The following SORBS2 variants were observed in gnomAD, a reference collection of about 807,000 sequenced individuals.
SORBS2 encodes sorbin and SH3 domain containing 2.
A neutral mutation model predicts 97.7 loss-of-function variants in SORBS2; 46 were observed. The ratio of observed to expected loss-of-function variants is 0.47; its 90% CI spans 0.37 to 0.60. The LOEUF (loss-of-function observed/expected upper bound fraction) is 0.60, where lower values mean the gene tolerates loss of function less well. Ranked by LOEUF, SORBS2 falls within the 20% of genes least tolerant of loss-of-function variation. The probability of loss-of-function intolerance (pLI) is 0.00; values close to 1 mark genes in which losing one functional copy is unlikely to be tolerated. For missense variants in SORBS2, 1,316 were observed against 1,282.3 expected (o/e 1.03, Z -0.40); for synonymous variants, 476 against 473.4 (o/e 1.01, Z -0.07).
chr4:185,824,448 G>T (rs193282862), intron 1 of SORBS2, among the ~76,000 whole-genome samples: 1 of 152,078 alleles, frequency 6.6e-6, no homozygotes, highest in Non-Finnish European at 1.5e-5. Flanking sequence ...AAATAAAGTC[G>T]CATTCACAAG....
intron 2 of SORBS2, among the ~76,000 whole-genome samples, chr4:185,766,329 C>A (rs1240285759): frequency 6.6e-6 from 1 of 152,200 alleles, no homozygotes; most frequent in Non-Finnish European, 1.5e-5. Context: ...TGGGCTTTCT[C>A]ATCTCACCGT....
chr4:185,709,320 T>TTTTTTTTTTTCTTTTTTTC (rs1181008953), intron 2 of SORBS2, among the ~76,000 whole-genome samples: 7 of 140,974 alleles, frequency 5.0e-5, no homozygotes, highest in Non-Finnish European at 6.2e-5. Flanking sequence ...TTTTTTTTTT[T>TTTTTTTTTTTCTTTTTTTC]TTTTAGTAAA....
rs369327368 is a variant in SORBS2 at position 185,677,222 on chromosome 4, G to A, written c.-46+1201C>T. 254 of 1,551,644 alleles carry A rather than the reference G, an allele frequency of 1.6e-4. 1 individual carries two copies. The South Asian group carries it at 2.6e-3, about 16-fold the overall frequency. ...GCCTTTTGAGAAATGACGGTACTTCGACAGATTTGGAGAACTGTGGAGTAC... is the reference window on the plus strand; with the variant it reads ...GCCTTTTGAGAAATGACGGTACTTCAACAGATTTGGAGAACTGTGGAGTAC... On this transcript the variant is annotated intron_variant, in intron 4 of 20. Coordinates refer to the SORBS2 transcript ENST00000284776.
At chr4:185,840,738 A>T (rs559504889) in intron 1 of SORBS2, among the ~76,000 whole-genome samples, 1 of 152,234 alleles carries the variant, frequency 6.6e-6, no homozygotes, top group Non-Finnish European at 1.5e-5. Flanking sequence ...GTATTTATTC[A>T]TTCATTCAAC....
chr4:185,859,411 C>A (rs1199450033), intron 1 of SORBS2, among the ~76,000 whole-genome samples: 1 of 152,184 alleles, frequency 6.6e-6, no homozygotes. Context: ...CCCTCACACC[C>A]TGCGTTTCCC....
intron 1 of SORBS2, among the ~76,000 whole-genome samples, chr4:185,843,491 T>G (rs2099212835): frequency 6.6e-6 from 1 of 152,114 alleles, no homozygotes; most frequent in Non-Finnish European, 1.5e-5. Context: ...ATAAAGGAGC[T>G]TAACAAGATT....
In SORBS2 at chr4:185,623,588, T is replaced by C; in HGVS notation, c.1541A>G (p.Tyr514Cys). 1 of 1,614,130 alleles carries C rather than the reference T, an allele frequency of 6.2e-7. No homozygotes were observed. Among genetic ancestry groups the C allele is most frequent in the Non-Finnish European group, 8.5e-7 (1 of 1,180,008 alleles). ...GAAGGATGACCCCTCTAGGTGAATG[T>C]AGTCACTGTGGTCGGACACAACCCC... The change falls in exon 7 of 15, where the codon TAC becomes TGC. Residue 514 changes from tyrosine (Y) to cysteine (C), a missense_variant. Coordinates refer to ENST00000418609, the Ensembl canonical transcript of SORBS2. The surrounding 1 kb of genome is among the most constrained non-coding windows in gnomAD (Gnocchi z 6.4).
chr4:185,591,049 A>G (rs2095916108), intron 13 of SORBS2, among the ~76,000 whole-genome samples: 1 of 151,982 alleles, frequency 6.6e-6, no homozygotes, highest in Non-Finnish European at 1.5e-5. Context: ...TTACTTTATG[A>G]GTCAGAAAAT....
At chr4:185,603,452 C>T (rs566398705) in intron 12 of SORBS2, among the ~76,000 whole-genome samples, 13 of 152,188 alleles carry the variant, frequency 8.5e-5, no homozygotes, top group Non-Finnish European at 1.2e-4. Context: ...GTTCCTTTCA[C>T]GCCTAACAGG....
chr4:185,601,966 T>C (rs1379352863), intron 12 of SORBS2, among the ~76,000 whole-genome samples: 1 of 152,224 alleles, frequency 6.6e-6, no homozygotes, highest in Non-Finnish European at 1.5e-5. Context: ...TCTTGCAAAA[T>C]AGTCTCTCGG....
chr4:185,906,474 A>G (rs2099250899), intron 1 of SORBS2, among the ~76,000 whole-genome samples: 1 of 152,268 alleles, frequency 6.6e-6, no homozygotes, highest in Non-Finnish European at 1.5e-5. Flanking sequence ...TTAATTAGAG[A>G]TACTTAAGAT....
intron 1 of SORBS2, among the ~76,000 whole-genome samples, chr4:185,655,184 T>A (rs2097377698): frequency 1.3e-5 from 2 of 152,320 alleles, no homozygotes; most frequent in South Asian, 4.1e-4. Flanking sequence ...ATTCCCTGCA[T>A]TAAAATAGCT....
At chr4:185,694,478 T>A (rs568069488) in intron 2 of SORBS2, among the ~76,000 whole-genome samples, 8 of 152,320 alleles carry the variant, frequency 5.3e-5, no homozygotes, top group Middle Eastern at 3.4e-3. Context: ...GGATTGTGTT[T>A]ACTTTTGTCA....
intron 1 of SORBS2, among the ~76,000 whole-genome samples, chr4:185,879,159 T>C (rs1258620256): frequency 4.2e-5 from 4 of 95,498 alleles, no homozygotes; most frequent in Admixed American, 9.6e-5. Context: ...CTCCTAATGC[T>C]ATCCCTCCCC....
At chr4:185,935,762 G>C (rs182953090) in intron 1 of SORBS2, among the ~76,000 whole-genome samples, 1 of 152,328 alleles carries the variant, frequency 6.6e-6, no homozygotes, top group Admixed American at 6.5e-5. Flanking sequence ...TAATCAATCA[G>C]AGCCGTAGTT....
At position 185,684,754 on chromosome 4, in the gene SORBS2, C is replaced by T. The variant is rs2097922703; in HGVS notation, c.-197-5932G>A. On this transcript the variant is annotated intron_variant, in intron 2 of 20. Coordinates refer to the SORBS2 transcript ENST00000284776. The surrounding 1 kb of genome is among the most constrained non-coding windows in gnomAD (Gnocchi z 4.2). ...ATTGTGTGAGTTAGTGATATTATAC[C>T]TGCAGCCAATAGGTTTGGAGAACTT... 1.3e-6 allele frequency: 2 copies of T among 1,548,470 alleles called. No individual in the cohort carries two copies. Among genetic ancestry groups the T allele is most frequent in the East Asian group, 2.4e-5 (1 of 40,898 alleles).
At chr4:185,654,943 T>C (rs1040550047) in intron 1 of SORBS2, among the ~76,000 whole-genome samples, 1 of 152,250 alleles carries the variant, frequency 6.6e-6, no homozygotes, top group Non-Finnish European at 1.5e-5. Flanking sequence ...TACATAGCAG[T>C]ATACAGTGAC....
At chr4:185,950,667 G>A (rs1012901549) in intron 1 of SORBS2, among the ~76,000 whole-genome samples, 2 of 152,188 alleles carry the variant, frequency 1.3e-5, no homozygotes, top group African/African-American at 4.8e-5. Context: ...ACAAGACCAG[G>A]CTGTGAACAA....
chr4:185,866,947 A>C (rs1057332077), intron 1 of SORBS2, among the ~76,000 whole-genome samples: 5 of 152,306 alleles, frequency 3.3e-5, no homozygotes, highest in African/African-American at 1.2e-4. Flanking sequence ...TAATGAGGAG[A>C]GATCTCCTTC....
Sources: allele counts gnomAD v4.1 joint callset (sites outside exome capture counted in the v4.1 genomes callset), GRCh38; gene constraint gnomAD v4.1.1; non-coding constraint Gnocchi (gnomAD v3.1); transcripts MANE v1.5; gene names NCBI Gene and HGNC (gene_info 2026-07-23, HGNC 2026-07-21).